The following MAGI3 variants were observed in gnomAD, a reference collection of about 807,000 sequenced individuals.
The protein encoded by MAGI3 is membrane-associated guanylate kinase, WW and PDZ domain-containing protein 3.
MAGI3 carries 43 observed loss-of-function variants against 121.8 expected under a neutral mutation model. That is an observed-to-expected ratio of 0.35 (90% CI 0.28 to 0.46). The LOEUF is 0.46. Among genes scored for constraint, MAGI3 ranks in the 20% least tolerant of loss-of-function variants. The pLI, the probability that MAGI3 is intolerant of heterozygous loss-of-function variation, is 1.00. For synonymous variants in MAGI3, 553 were observed against 639.3 expected, an observed-to-expected ratio of 0.86 and a Z score of 2.04; for missense variants, 1,547 against 1,797.3, an observed-to-expected ratio of 0.86 and a Z score of 2.52.
chr1:113,658,474 A>G lies in MAGI3; in HGVS notation c.2630-606A>G, dbSNP rs547469336. On this transcript the variant is annotated intron_variant, in intron 15 of 20. Coordinates refer to ENST00000307546, the MANE Select transcript of MAGI3 (RefSeq NM_001142782.2). The surrounding 1 kb of genome is among the most constrained non-coding windows in gnomAD (Gnocchi z 4.0). ...TTCCACTCAGCTTTTCAAATTTTAA[A>G]AAGAGCCAAAGGCATAAATAAGAGG... 3.8e-4 allele frequency among the ~76,000 whole-genome samples: 58 copies of G among 152,380 alleles called. 1 individual carries two copies. Among genetic ancestry groups the G allele is most frequent in the South Asian group, 2.1e-3 (10 of 4,834 alleles).
At chr1:113,407,279 T>A (rs1040672723) in intron 1 of MAGI3, among the ~76,000 whole-genome samples, 4 of 152,078 alleles carry the variant, frequency 2.6e-5, no homozygotes, top group Non-Finnish European at 4.4e-5. Flanking sequence ...ATAAGAATAG[T>A]GGCAGTGAAA....
intron 1 of MAGI3, among the ~76,000 whole-genome samples, chr1:113,511,130 A>C (rs879272087): frequency 2.0e-5 from 3 of 152,318 alleles, no homozygotes; most frequent in Non-Finnish European, 2.9e-5. Flanking sequence ...GCAGGGTTTA[A>C]ATACTTTTTC....
intron 1 of MAGI3, among the ~76,000 whole-genome samples, chr1:113,475,353 A>G (rs1352633623): frequency 2.0e-5 from 3 of 152,166 alleles, no homozygotes; most frequent in Non-Finnish European, 2.9e-5. Flanking sequence ...TTCCCCATTC[A>G]GTATGATATT....
At chr1:113,638,543 C>T (rs879060134) in intron 9 of MAGI3, among the ~76,000 whole-genome samples, 15 of 152,230 alleles carry the variant, frequency 9.9e-5, no homozygotes, top group African/African-American at 3.1e-4. Context: ...TGCACAGCAG[C>T]GGATTTTCGT....
chr1:113,528,986 C>T (rs1658579637), intron 1 of MAGI3, among the ~76,000 whole-genome samples: 1 of 152,124 alleles, frequency 6.6e-6, no homozygotes, highest in Non-Finnish European at 1.5e-5. Flanking sequence ...TTTGTTTCTA[C>T]TTGTTTTCGG....
intron 6 of MAGI3, among the ~76,000 whole-genome samples, chr1:113,596,051 AAT>A (rs1374989257): frequency 1.3e-4 from 19 of 151,650 alleles, no homozygotes; most frequent in African/African-American, 4.6e-4. Context: ...TACTAATACT[AAT>A]ACTAATAATA....
At position 113,582,574 on chromosome 1, in the gene MAGI3, A is replaced by G. The variant is rs368061068; in HGVS notation, c.553+1913A>G. Among the ~76,000 whole-genome samples, 16 of 152,186 alleles carry G rather than the reference A, an allele frequency of 1.1e-4. No individual in the cohort carries two copies. The South Asian group carries it at 2.9e-3, about 28-fold the overall frequency. On this transcript the variant is annotated intron_variant, in intron 3 of 20. Transcript: ENST00000307546. ...GGATATGTACATTATACTATTTATG[A>G]AAAAATATGTGAAATATTGTGAAAA...
At chr1:113,649,814 C>T (rs2101834542) in intron 13 of MAGI3, among the ~76,000 whole-genome samples, 1 of 152,266 alleles carries the variant, frequency 6.6e-6, no homozygotes, top group African/African-American at 2.4e-5. Flanking sequence ...CATCTGTTAC[C>T]TTTGAAACTA....
intron 1 of MAGI3, among the ~76,000 whole-genome samples, chr1:113,541,788 A>G (rs1570827990): frequency 6.6e-6 from 1 of 152,312 alleles, no homozygotes; most frequent in Non-Finnish European, 1.5e-5. Context: ...ATGTTCTTTT[A>G]AATTATTGTT....
At chr1:113,403,839 T>G (rs561079461) in intron 1 of MAGI3, 18 of 152,276 alleles carry the variant, frequency 1.2e-4, no homozygotes, top group African/African-American at 4.1e-4. Context: ...GAAAAGACAG[T>G]TTTTAGTTTT....
At chr1:113,625,402 G>A (rs1651181682) in intron 9 of MAGI3, among the ~76,000 whole-genome samples, 1 of 152,138 alleles carries the variant, frequency 6.6e-6, no homozygotes. Flanking sequence ...TTTTAATGCA[G>A]AGATCTTTCG....
At chr1:113,581,571 C>A (rs539544765) in intron 3 of MAGI3, among the ~76,000 whole-genome samples, 2 of 152,200 alleles carry the variant, frequency 1.3e-5, no homozygotes, top group Admixed American at 6.5e-5. Flanking sequence ...TCACAATACC[C>A]TTCTTTCACT....
intron 1 of MAGI3, among the ~76,000 whole-genome samples, chr1:113,531,676 T>C (rs1015339751): frequency 8.3e-6 from 1 of 119,906 alleles, no homozygotes; most frequent in African/African-American, 3.2e-5. Flanking sequence ...TGGTAGTTTT[T>C]CCCCGACTCT....
At chr1:113,427,942 G>A (rs1557751722) in intron 1 of MAGI3, among the ~76,000 whole-genome samples, 1 of 152,040 alleles carries the variant, frequency 6.6e-6, no homozygotes, top group Non-Finnish European at 1.5e-5. Context: ...TTTTTCTTAA[G>A]TGGAACATAT....
At chr1:113,642,899 T>C (rs1652628434) in intron 10 of MAGI3, among the ~76,000 whole-genome samples, 1 of 152,220 alleles carries the variant, frequency 6.6e-6, no homozygotes, top group Admixed American at 6.5e-5. Flanking sequence ...CATCTGGACC[T>C]CTGTAATGCA....
chr1:113,532,127 T>C lies in MAGI3; in HGVS notation c.317-17388T>C, dbSNP rs911521785. Among the ~76,000 whole-genome samples, 10 of 152,278 alleles carry C rather than the reference T, an allele frequency of 6.6e-5. No individual in the cohort carries two copies. The South Asian group carries it at 2.1e-3, about 32-fold the overall frequency. ...CAGTTAAATTGGTTTCTTCACTGAA[T>C]TGAGTTAGGCAATTTAATTAAAATA... On this transcript the variant is annotated intron_variant, in intron 1 of 20. Coordinates refer to ENST00000307546, the MANE Select transcript of MAGI3 (RefSeq NM_001142782.2).
rs1650817231 is a variant in MAGI3 at position 113,391,525 on chromosome 1, G to T, written c.316+176G>T. On this transcript the variant is annotated intron_variant, in intron 1 of 20. Coordinates refer to ENST00000307546, the MANE Select transcript of MAGI3 (RefSeq NM_001142782.2). This position sits in a 1 kb window ranked among gnomAD's most constrained non-coding sequence, Gnocchi z 4.4. ...TGGCGTTGGTGAGTCCCATTTTGCC[G>T]AAGGGAAAACTGAGCTCTGGCTTGG... Among the ~76,000 whole-genome samples the T allele has an allele frequency of 6.6e-6, 1 of 152,094 alleles. No homozygotes were observed. Among genetic ancestry groups the T allele is most frequent in the African/African-American group, 2.4e-5 (1 of 41,426 alleles).
chr1:113,550,536 A>T (rs920487566), intron 2 of MAGI3, among the ~76,000 whole-genome samples: 1 of 151,776 alleles, frequency 6.6e-6, no homozygotes, highest in African/African-American at 2.4e-5. Context: ...TGGGCAGATC[A>T]CCTGAGGTCA....
At chr1:113,514,260 C>A (rs1657771616) in intron 1 of MAGI3, among the ~76,000 whole-genome samples, 1 of 151,902 alleles carries the variant, frequency 6.6e-6, no homozygotes, top group Non-Finnish European at 1.5e-5. Context: ...TTTGACCCAG[C>A]CATCCCATTA....
Sources: allele counts gnomAD v4.1 joint callset (sites outside exome capture counted in the v4.1 genomes callset), GRCh38; gene constraint gnomAD v4.1.1; non-coding constraint Gnocchi (gnomAD v3.1); transcripts MANE v1.5; gene names NCBI Gene and HGNC (gene_info 2026-07-23, HGNC 2026-07-21).